ATG4A: variants seen among roughly 807,000 people sequenced by gnomAD.
The protein encoded by ATG4A is autophagy related 4A cysteine peptidase.
Under a neutral mutation model 38.4 loss-of-function variants are expected in ATG4A, and 22 were observed. The ratio of observed to expected loss-of-function variants is 0.57; its 90% CI spans 0.41 to 0.82. The LOEUF (loss-of-function observed/expected upper bound fraction) is 0.82, where lower values mean the gene tolerates loss of function less well. ATG4A is among the 40% of genes least tolerant of loss of function. The probability of loss-of-function intolerance (pLI) is 0.00; values close to 1 mark genes in which losing one functional copy is unlikely to be tolerated. For missense variants in ATG4A, 220 were observed against 290.0 expected (o/e 0.76, Z 1.75); for synonymous variants, 86 against 100.7 (o/e 0.85, Z 0.88).
At chrX:108,100,877 G>A (rs957738848) in intron 1 of ATG4A, among the ~76,000 whole-genome samples, 1 of 111,392 alleles carries the variant, frequency 9.0e-6, no homozygotes, top group Admixed American at 9.5e-5. Context: ...GTCTTTGTCT[G>A]ATTTTGGTAT....
chrX:108,095,315 C>A (rs2031772752), intron 1 of ATG4A, among the ~76,000 whole-genome samples: 1 of 111,993 alleles, frequency 8.9e-6, no homozygotes, highest in African/African-American at 3.2e-5. Context: ...GCCTCCACCT[C>A]CCTAGCACAA....
At position 108,151,812 on chromosome X, in the gene ATG4A, G is replaced by A. The variant is rs138304933; in HGVS notation, c.971G>A (p.Cys324Tyr). The change falls in exon 11 of 13, where the codon TGC (cysteine) becomes TAC (tyrosine). Residue 324 changes from cysteine to tyrosine, a missense_variant. Physicochemically the swap from Cys to Tyr is radical, Grantham distance 194 (BLOSUM62 -2). Transcript: ENST00000372232. ...TTGCTTTCCCCCAAGGGATTTTTCT[G>A]CAAAGAAGAAAAAGACTTTGATAAC... ...LDPSVALGFF[C>Y]KEEKDFDNWC... The A allele has an allele frequency of 3.0e-5, 36 of 1,206,804 alleles. No individual in the cohort carries two copies. The highest frequency in any genetic ancestry group is 3.6e-5 in the Non-Finnish European group (32 of 892,756).
intron 1 of ATG4A, among the ~76,000 whole-genome samples, chrX:108,107,126 C>A (rs1280954399): frequency 9.0e-6 from 1 of 111,187 alleles, no homozygotes; most frequent in Non-Finnish European, 1.9e-5. Flanking sequence ...CACTGTTTCT[C>A]CTCTCCTCCT....
At chrX:108,142,937 A>G (rs2033339622) in intron 9 of ATG4A, among the ~76,000 whole-genome samples, 1 of 111,854 alleles carries the variant, frequency 8.9e-6, no homozygotes, top group South Asian at 3.8e-4. Context: ...ACTTGAACCC[A>G]TATACATATC....
At chrX:108,141,071 C>CATATATACGTGT (rs2033267588) in intron 9 of ATG4A, among the ~76,000 whole-genome samples, 2 of 35,066 alleles carry the variant, frequency 5.7e-5, no homozygotes, top group African/African-American at 2.5e-4. Flanking sequence ...TATATATATA[C>CATATATACGTGT]ATATATATAT....
intron 9 of ATG4A, among the ~76,000 whole-genome samples, chrX:108,145,275 C>G (rs769650983): frequency 5.3e-5 from 6 of 112,460 alleles, no homozygotes; most frequent in African/African-American, 1.6e-4. Flanking sequence ...CGATCAAGGT[C>G]TCTCCAAATA....
At chrX:108,151,749 A>G in intron 10 of ATG4A, 53 bp from the exon 11 acceptor site, 1 of 1,144,623 alleles carries the variant, frequency 8.7e-7, no homozygotes. Context: ...CAACAGCTCC[A>G]TTGTGCAATA....
rs139918190 is a variant in ATG4A at position 108,141,071 on chromosome X, CATATATATATATATATATATATAT to C, written c.814+2895_814+2918del. Among the ~76,000 whole-genome samples, 13 of 35,049 alleles carry C rather than the reference CATATATATATATATATATATATAT, an allele frequency of 3.7e-4. No homozygotes were observed. In the East Asian group the frequency reaches 4.2e-3, roughly 11 times the overall value. 30.4% of individuals were successfully genotyped at this position (35,049 alleles called of 115,157 possible). ...ATACATATATACGTGTATATATATACATATATATATATATATATATATATATATATATATATATCACTAAGGAAT... is the reference window on the plus strand; with the variant it reads ...ATACATATATACGTGTATATATATACATATATATATATATCACTAAGGAAT... On this transcript the variant is annotated intron_variant, in intron 9 of 12. Transcript: ENST00000372232.
chrX:108,145,957 A>G (rs1337415411), intron 9 of ATG4A, among the ~76,000 whole-genome samples: 6 of 111,824 alleles, frequency 5.4e-5, no homozygotes, highest in East Asian at 5.6e-4. Flanking sequence ...GAGGACCACA[A>G]TGATATTTTG....
rs1569310448 is a variant in ATG4A at position 108,138,210 on chromosome X, C to T, written c.814+19C>T. 2 of 1,188,135 alleles carry T rather than the reference C, an allele frequency of 1.7e-6. No homozygotes were observed. The highest frequency in any genetic ancestry group is 2.2e-5 in the Admixed American group (1 of 45,996). On this transcript the variant is annotated intron_variant, in intron 9 of 12. Coordinates refer to ENST00000372232, the MANE Select transcript of ATG4A (RefSeq NM_052936.5). ...TTCTTAGGTAAGAAAGGAGGAATCA[C>T]AAGTAAGTCATCGTGGGCTAGGGGA...
rs1569311533 is a variant in ATG4A at position 108,141,021 on chromosome X, C to CGTGT, written c.814+2830_814+2831insGTGT. ...ATACATATATATACGTATATATACACATATATATACATATATACATATATA... is the reference window on the plus strand; with the variant it reads ...ATACATATATATACGTATATATACACGTGTATATATATACATATATACATATATA... On this transcript the variant is annotated intron_variant, in intron 9 of 12. Transcript: ENST00000372232. 1.3e-4 allele frequency among the ~76,000 whole-genome samples: 10 copies of CGTGT among 76,075 alleles called. 1 individual carries two copies. The highest frequency in any genetic ancestry group is 5.7e-4 in the African/African-American group (10 of 17,414). 66.1% of individuals were successfully genotyped at this position (76,075 alleles called of 115,157 possible).
intron 1 of ATG4A, among the ~76,000 whole-genome samples, chrX:108,096,767 G>A (rs1448744017): frequency 9.1e-6 from 1 of 110,273 alleles, no homozygotes; most frequent in East Asian, 2.8e-4. Context: ...AGGCTAAGGG[G>A]AAGTTATCCT....
chrX:108,102,715 A>G (rs1319605995), intron 1 of ATG4A, among the ~76,000 whole-genome samples: 1 of 110,828 alleles, frequency 9.0e-6, no homozygotes, highest in Non-Finnish European at 1.9e-5. Flanking sequence ...AGTTGATTTT[A>G]TATGTAGTGT....
At chrX:108,124,138 C>G (rs939725164) in intron 1 of ATG4A, among the ~76,000 whole-genome samples, 1 of 112,326 alleles carries the variant, frequency 8.9e-6, no homozygotes, top group Non-Finnish European at 1.9e-5. Context: ...AGTCCACCAC[C>G]TCCTGGGGAT....
chrX:108,095,668 G>T (rs1428803715), intron 1 of ATG4A, among the ~76,000 whole-genome samples: 2 of 109,473 alleles, frequency 1.8e-5, no homozygotes, highest in Non-Finnish European at 3.8e-5. Flanking sequence ...AATGTTCGAG[G>T]GTTCAGATTT....
At chrX:108,113,758 G>C (rs1277615565) in intron 1 of ATG4A, among the ~76,000 whole-genome samples, 1 of 111,723 alleles carries the variant, frequency 9.0e-6, no homozygotes, top group Non-Finnish European at 1.9e-5. Flanking sequence ...AAACCCATCA[G>C]CTCTCATGAG....
chrX:108,128,486 T>C (rs2032861298), intron 2 of ATG4A, among the ~76,000 whole-genome samples: 1 of 111,648 alleles, frequency 9.0e-6, no homozygotes, highest in Non-Finnish European at 1.9e-5. Context: ...TCTTATTCCT[T>C]GTCTTTTGGC....
At chrX:108,123,117 G>T (rs2032700824) in intron 1 of ATG4A, among the ~76,000 whole-genome samples, 1 of 111,729 alleles carries the variant, frequency 9.0e-6, no homozygotes, top group Non-Finnish European at 1.9e-5. Flanking sequence ...TTATGAGCTG[G>T]CCACTAAACT....
chrX:108,094,737 A>C (rs1465492729), intron 1 of ATG4A, among the ~76,000 whole-genome samples: 1 of 112,220 alleles, frequency 8.9e-6, no homozygotes, highest in African/African-American at 3.2e-5. Flanking sequence ...TTCTTCTCTT[A>C]ATAGTGCCTT....
Sources: gnomAD v4.1 joint callset for allele counts (sites outside exome capture counted in the v4.1 genomes callset) on GRCh38, gnomAD v4.1.1 for gene constraint, MANE v1.5 for transcripts, NCBI Gene and HGNC (gene_info 2026-07-23, HGNC 2026-07-21) for gene names.